Variants in STT3A observed in about 807,000 individuals in gnomAD.
The protein encoded by STT3A is dolichyl-diphosphooligosaccharide--protein glycosyltransferase subunit STT3A.
A neutral mutation model predicts 89.2 loss-of-function variants in STT3A; 34 were observed. The observed-to-expected ratio is 0.38, with a 90% confidence interval of 0.29 to 0.51. The LOEUF (loss-of-function observed/expected upper bound fraction) is 0.51, where lower values mean the gene tolerates loss of function less well. Among genes scored for constraint, STT3A ranks in the 20% least tolerant of loss-of-function variants. The pLI, the probability that STT3A is intolerant of heterozygous loss-of-function variation, is 0.89. For missense variants in STT3A, 555 were observed against 889.5 expected, an observed-to-expected ratio of 0.62 and a Z score of 4.78; for synonymous variants, 282 against 310.3, an observed-to-expected ratio of 0.91 and a Z score of 0.96.
chr11:125,605,057 G>T (rs1217262327), intron 6 of STT3A, among the ~76,000 whole-genome samples: 1 of 152,044 alleles, frequency 6.6e-6, no homozygotes, highest in Non-Finnish European at 1.5e-5. Context: ...AGCTGTGATT[G>T]CCACTGCACT....
intron 16 of STT3A, among the ~76,000 whole-genome samples, chr11:125,618,803 T>G (rs1435332117): frequency 1.3e-5 from 2 of 151,944 alleles, no homozygotes; most frequent in African/African-American, 4.8e-5. Flanking sequence ...GGTACAATCA[T>G]GGCTCACTGC....
In STT3A at chr11:125,618,432, A is replaced by G. The variant is rs1320040533; in HGVS notation, c.1834A>G (p.Ile612Val). 1 of 1,613,738 alleles carries G rather than the reference A, an allele frequency of 6.2e-7. No individual in the cohort carries two copies. Among genetic ancestry groups the G allele is most frequent in the Non-Finnish European group, 8.5e-7 (1 of 1,179,994 alleles). The change falls in exon 16 of 18, where the codon ATC (isoleucine) becomes GTC (valine). Residue 612 changes from isoleucine (I) to valine (V), a missense_variant. Ile to Val is a conservative substitution (Grantham distance 29). Coordinates refer to ENST00000392708, the MANE Select transcript of STT3A (RefSeq NM_152713.5). ...AGGGAGCACAGATACAGGCAAACAT[A>G]TCAAGGAGAATGACTATTATACTCC... The part of the protein sequence containing the change: ...IGGSTDTGKH[I>V]KENDYYTPTG...
Position 125,609,562 on chromosome 11 carries a change from C to T in STT3A, c.1090C>T (p.Leu364=), listed in dbSNP as rs778844762. Residue 364 remains leucine, a synonymous_variant, in exon 10 of 18, where the codon CTG becomes TTG. Coordinates refer to ENST00000392708, the MANE Select transcript of STT3A (RefSeq NM_152713.5). ...PTTWSSYYFD[L]QLLVFMFPVG... is the part of the protein sequence containing the mutation. The stretch of plus-strand genomic sequence containing the variant: ...AACCTGGTCCTCATACTATTTTGAC[C>T]TGCAGCTCCTCGTCTTCATGTTTCC... 2.5e-6 allele frequency: 4 copies of T among 1,613,580 alleles called. No homozygotes were observed. In the South Asian group the frequency reaches 4.4e-5, roughly 18 times the overall value.
intron 3 of STT3A, among the ~76,000 whole-genome samples, chr11:125,597,628 A>G (rs544300251): frequency 6.6e-6 from 1 of 152,200 alleles, no homozygotes; most frequent in African/African-American, 2.4e-5. Context: ...GAGAATCACA[A>G]ACAATGGACT....
chr11:125,617,629 G>A (rs1449213743), intron 15 of STT3A, among the ~76,000 whole-genome samples: 1 of 152,178 alleles, frequency 6.6e-6, no homozygotes, highest in African/African-American at 2.4e-5. Context: ...TATTTATTAA[G>A]CATGGGAGTG....
chr11:125,618,622 A>G (rs1940249350), intron 16 of STT3A, 61 bp downstream of exon 16: 1 of 1,505,952 alleles, frequency 6.6e-7, no homozygotes, highest in African/African-American at 1.4e-5. Context: ...AATACACAGT[A>G]TTTTCCATAT....
chr11:125,605,715 G>A lies in STT3A; in HGVS notation c.595G>A (p.Ala199Thr). 1 of 1,613,634 alleles carries A rather than the reference G, an allele frequency of 6.2e-7. No homozygotes were observed. Among genetic ancestry groups the A allele is most frequent in the Non-Finnish European group, 8.5e-7 (1 of 1,179,792 alleles). The stretch of plus-strand genomic sequence containing the variant: ...TTCCATCTGTTGGGCAGCTAAGTGT[G>A]CCCTTGCTTATTTCTACATGGTAAC... ...TGSICWAAKC[A>T]LAYFYMVSSW... Residue 199 changes from alanine to threonine, a missense_variant, in exon 7 of 18, where the codon GCC becomes ACC. This residue lies in a region of STT3A where 149 missense variants were observed against 206.2 expected (regional missense o/e 0.72). Transcript: ENST00000392708.
rs1940011150 is a variant in STT3A at position 125,611,409 on chromosome 11, C to G, written c.1118-19C>G. On this transcript the variant is annotated intron_variant, in intron 10 of 17. Transcript: ENST00000392708. Reference sequence around the variant, plus strand: ...ACCTACAGGACTCAGCTGCTTATTTCTCCTTCCCTCTTTTGTAGTTGGCCT... The same window carrying G: ...ACCTACAGGACTCAGCTGCTTATTTGTCCTTCCCTCTTTTGTAGTTGGCCT... The G allele has an allele frequency of 6.2e-7, 1 of 1,606,944 alleles. No homozygotes were observed. Among genetic ancestry groups the G allele is most frequent in the African/African-American group, 1.3e-5 (1 of 74,758 alleles).
rs540412572 is a variant in STT3A at position 125,595,769 on chromosome 11, T to A, written c.-35-112T>A. 23 of 621,598 alleles carry A rather than the reference T, an allele frequency of 3.7e-5. No homozygotes were observed. In the South Asian group the frequency reaches 4.5e-4, roughly 12 times the overall value. The allele number at this position is 621,598 out of a possible 1,614,324, so 38.5% of individuals were successfully genotyped here. A position where few individuals can be genotyped will look rare whatever the true frequency, so the allele number is the denominator to read the frequency against. ...TACTAGTATTAGCCTTGACCCTGTC[T>A]GGTGTTTTTGCTAGCTCCTACGTCC... On this transcript the variant is annotated intron_variant, in intron 1 of 17. Coordinates refer to ENST00000392708, the MANE Select transcript of STT3A (RefSeq NM_152713.5).
intron 3 of STT3A, among the ~76,000 whole-genome samples, chr11:125,601,187 T>C (rs1408719403): frequency 6.6e-6 from 1 of 152,186 alleles, no homozygotes; most frequent in Non-Finnish European, 1.5e-5. Context: ...ATTAAGAAAG[T>C]TGTGTTATGA....
intron 7 of STT3A, among the ~76,000 whole-genome samples, chr11:125,605,950 A>G (rs1004549051): frequency 6.6e-6 from 1 of 152,120 alleles, no homozygotes; most frequent in Non-Finnish European, 1.5e-5. Flanking sequence ...GTGACCTTAC[A>G]GTAGATTGCA....
Position 125,614,461 on chromosome 11 carries a change from A to C in STT3A, c.1774+35A>C. The C allele has an allele frequency of 1.3e-6, 2 of 1,574,932 alleles. No homozygotes were observed. Among genetic ancestry groups the C allele is most frequent in the Non-Finnish European group, 1.7e-6 (2 of 1,149,452 alleles). On this transcript the variant is annotated intron_variant, in intron 15 of 17. Coordinates refer to ENST00000392708, the MANE Select transcript of STT3A (RefSeq NM_152713.5). The surrounding 1 kb of genome is among the most constrained non-coding windows in gnomAD (Gnocchi z 4.9). Reference sequence around the variant, plus strand: ...TTGATTCTGTTTCTAGCTGCAGGACATAGATTCTAAGAAAACTAGATGAAT... The same window carrying C: ...TTGATTCTGTTTCTAGCTGCAGGACCTAGATTCTAAGAAAACTAGATGAAT...
chr11:125,597,022 C>A, intron 2 of STT3A, 37 bp from the exon 3 acceptor site: 1 of 1,608,348 alleles, frequency 6.2e-7, no homozygotes, highest in Non-Finnish European at 8.5e-7. Flanking sequence ...TTTCATGGCA[C>A]ATTACCAATA....
At chr11:125,618,333 C>G in intron 15 of STT3A, 40 bp from the exon 16 acceptor site, 3 of 1,544,950 alleles carry the variant, frequency 1.9e-6, no homozygotes, top group Non-Finnish European at 2.6e-6. Flanking sequence ...ACTCCAGCAA[C>G]TTTTGTGATG....
intron 10 of STT3A, 54 bp from the exon 11 acceptor site, chr11:125,611,374 G>A: frequency 3.6e-6 from 5 of 1,399,294 alleles, no homozygotes; most frequent in Non-Finnish European, 4.1e-6. Context: ...ACTTTACCTT[G>A]TAGGTTTCAA....
chr11:125,596,837 C>T (rs1354149156), intron 2 of STT3A, among the ~76,000 whole-genome samples: 1 of 152,152 alleles, frequency 6.6e-6, no homozygotes, highest in Non-Finnish European at 1.5e-5. Flanking sequence ...AATTAGTTAA[C>T]TGTGACCTAT....
chr11:125,602,429 G>A lies in STT3A; in HGVS notation c.271+5G>A. On this transcript the variant is annotated splice_donor_5th_base_variant and intron_variant, in intron 4 of 17. Coordinates refer to ENST00000392708, the MANE Select transcript of STT3A (RefSeq NM_152713.5). Reference sequence around the variant, plus strand: ...TTGGAGGAACAATTTACCCAGGTGAGGAGACCAGATGTGTTTTTTTTTTTA... The same window carrying A: ...TTGGAGGAACAATTTACCCAGGTGAAGAGACCAGATGTGTTTTTTTTTTTA... 1 of 1,588,032 alleles carries A rather than the reference G, an allele frequency of 6.3e-7. No homozygotes were observed. Among genetic ancestry groups the A allele is most frequent in the East Asian group, 2.2e-5 (1 of 44,610 alleles).
At chr11:125,617,076 G>T (rs1005819630) in intron 15 of STT3A, among the ~76,000 whole-genome samples, 2 of 152,054 alleles carry the variant, frequency 1.3e-5, no homozygotes, top group African/African-American at 4.8e-5. Context: ...TATCATAGCC[G>T]AGCTGATGTT....
At position 125,622,531 on chromosome 11, in the gene STT3A, GCTAT is replaced by G. The variant is rs1940377980; in HGVS notation, c.*1724_*1727del. The G allele has an allele frequency of 6.6e-6, 1 of 152,184 alleles. No homozygotes were observed. The highest frequency in any genetic ancestry group is 1.5e-5 in the Non-Finnish European group (1 of 68,042). The allele number at this position is 152,184 out of a possible 1,614,324, so 9.4% of individuals were successfully genotyped here. On this transcript the variant is annotated 3_prime_UTR_variant, in exon 18 of 18. Transcript: ENST00000392708. The stretch of plus-strand genomic sequence containing the variant: ...TTTGTTACTTTCTAGGCTACATGAA[GCTAT>G]CTTTTTAAAAAGTGTACTCTTCATT...
Sources: allele counts gnomAD v4.1 joint callset (sites outside exome capture counted in the v4.1 genomes callset), GRCh38; gene constraint gnomAD v4.1.1; regional missense constraint gnomAD v4.1.1; non-coding constraint Gnocchi (gnomAD v3.1); transcripts MANE v1.5; gene names NCBI Gene and HGNC (gene_info 2026-07-23, HGNC 2026-07-21).